The following DENND4C variants were observed in gnomAD, a reference collection of about 807,000 sequenced individuals.
DENND4C encodes the protein DENN domain containing 4C.
A neutral mutation model predicts 203.0 loss-of-function variants in DENND4C; 108 were observed. The ratio of observed to expected loss-of-function variants is 0.53; its 90% confidence interval spans 0.46 to 0.62. The LOEUF (loss-of-function observed/expected upper bound fraction) is 0.62, where lower values mean the gene tolerates loss of function less well. Ranked by LOEUF, DENND4C falls within the 20% of genes least tolerant of loss-of-function variation. The probability of loss-of-function intolerance (pLI) is 0.00; values close to 1 mark genes in which losing one functional copy is unlikely to be tolerated. For missense variants in DENND4C, 2,481 were observed against 2,301.2 expected (o/e 1.08, Z -1.60); for synonymous variants, 871 against 792.4 (o/e 1.10, Z -1.67).
chr9:19,327,757 G>C (rs1246682659), intron 15 of DENND4C, among the ~76,000 whole-genome samples: 2 of 151,864 alleles, frequency 1.3e-5, no homozygotes, highest in Non-Finnish European at 2.9e-5. Context: ...TCTTGAAAGA[G>C]TTATTTCTCC....
chr9:19,242,899 C>G (rs1026290567), intron 1 of DENND4C, among the ~76,000 whole-genome samples: 2 of 152,160 alleles, frequency 1.3e-5, no homozygotes, highest in African/African-American at 4.8e-5. Context: ...CATGATCCAC[C>G]TGCCTCAGCT....
At chr9:19,353,809 T>G (rs1824735920) in intron 26 of DENND4C, among the ~76,000 whole-genome samples, 1 of 151,746 alleles carries the variant, frequency 6.6e-6, no homozygotes, top group Admixed American at 6.6e-5. Flanking sequence ...CCATGGCACA[T>G]GCCTGTAGTC....
At chr9:19,241,666 C>T (rs1050164505) in intron 1 of DENND4C, among the ~76,000 whole-genome samples, 9 of 152,004 alleles carry the variant, frequency 5.9e-5, no homozygotes, top group South Asian at 2.1e-4. Flanking sequence ...GCAATACTCA[C>T]GTGGATCTGT....
intron 2 of DENND4C, among the ~76,000 whole-genome samples, chr9:19,280,445 G>C (rs113523277): frequency 6.6e-6 from 1 of 152,114 alleles, no homozygotes; most frequent in East Asian, 1.9e-4. Flanking sequence ...GTGCCCCGCC[G>C]GAAGGGGCTT....
At chr9:19,368,612 C>T (rs1221129006) in intron 30 of DENND4C, among the ~76,000 whole-genome samples, 1 of 152,094 alleles carries the variant, frequency 6.6e-6, no homozygotes, top group African/African-American at 2.4e-5. Flanking sequence ...GGCTGGGCAA[C>T]ATAGTGGGAG....
intron 1 of DENND4C, among the ~76,000 whole-genome samples, chr9:19,261,098 C>T (rs1048380641): frequency 1.6e-4 from 25 of 152,036 alleles, no homozygotes; most frequent in Admixed American, 1.6e-3. Flanking sequence ...GTTTTCCCAG[C>T]AATATTTGTT....
chr9:19,373,114 T>TTAGGTTG lies in DENND4C; in HGVS notation c.*942_*948dup, dbSNP rs1287985996. The TTAGGTTG allele has an allele frequency of 6.6e-6, 1 of 152,192 alleles. No homozygotes were observed. Among genetic ancestry groups the TTAGGTTG allele is most frequent in the African/African-American group, 2.4e-5 (1 of 41,452 alleles). 9.4% of individuals were successfully genotyped at this position (152,192 alleles called of 1,614,324 possible). On this transcript the variant is annotated 3_prime_UTR_variant, in exon 33 of 33. Transcript: ENST00000434457. Reference sequence around the variant, plus strand: ...AGCTGCCTTCCCTAACTTTAATGTATTAGGTTGGCACAAAATTAATTGTAG... The same window carrying TTAGGTTG: ...AGCTGCCTTCCCTAACTTTAATGTATTAGGTTGTAGGTTGGCACAAAATTAATTGTAG...
intron 23 of DENND4C, among the ~76,000 whole-genome samples, chr9:19,348,533 A>G (rs1015177043): frequency 2.0e-5 from 3 of 152,220 alleles, no homozygotes; most frequent in South Asian, 4.1e-4. Flanking sequence ...AGCATCATGT[A>G]CTTTCAAGGT....
Position 19,350,711 on chromosome 9 carries a change from A to ATTT in DENND4C, c.4327_4328insTTT (p.Asn1443delinsIleTyr). ...TTTTTTTCAATTAAAGGAAGAAACT[A>ATTT]ATAGAGACTACAGCTTCCCAGCTGG... On this transcript the variant is annotated protein_altering_variant, in exon 24 of 33. Coordinates refer to ENST00000434457, the MANE Select transcript of DENND4C (RefSeq NM_001330640.2). 6.2e-7 allele frequency: 1 copy of ATTT among 1,609,566 alleles called. No homozygotes were observed. The highest frequency in any genetic ancestry group is 8.5e-7 in the Non-Finnish European group (1 of 1,178,772).
chr9:19,240,628 T>C (rs1306487161), intron 1 of DENND4C, among the ~76,000 whole-genome samples: 1 of 150,622 alleles, frequency 6.6e-6, no homozygotes, highest in Non-Finnish European at 1.5e-5. Context: ...ATCATGCCAC[T>C]TCACTCCAGC....
At chr9:19,259,269 C>G (rs7865662) in intron 1 of DENND4C, among the ~76,000 whole-genome samples, 29,672 of 151,960 alleles carry the variant, frequency 0.2, 3,008 homozygotes, top group Admixed American at 0.22. Flanking sequence ...TTTGCAGCGT[C>G]TGATAGCTAT....
chr9:19,245,653 G>A (rs183956732), intron 1 of DENND4C, among the ~76,000 whole-genome samples: 2 of 152,034 alleles, frequency 1.3e-5, no homozygotes, highest in African/African-American at 2.4e-5. Flanking sequence ...TCAGGGGTTC[G>A]AGATTAGCCT....
At position 19,319,812 on chromosome 9, in the gene DENND4C, G is replaced by A. The variant is rs576590624; in HGVS notation, c.1807+2973G>A. Among the ~76,000 whole-genome samples the A allele has an allele frequency of 1.6e-3, 242 of 152,288 alleles. 1 individual carries two copies. Among genetic ancestry groups the A allele is most frequent in the African/African-American group, 5.5e-3 (227 of 41,558 alleles). ...GTTTCGAAGGAAAGTATTGGTTACA[G>A]TGAGAGTGCTAGTTAGGTCAGAGAA... On this transcript the variant is annotated intron_variant, in intron 12 of 32. Transcript: ENST00000434457.
At chr9:19,370,232 A>G (rs1376749502) in intron 31 of DENND4C, among the ~76,000 whole-genome samples, 1 of 152,114 alleles carries the variant, frequency 6.6e-6, no homozygotes, top group East Asian at 1.9e-4. Flanking sequence ...CCAAAGCAGG[A>G]GGATTGCTTG....
chr9:19,354,730 G>A (rs1262869865), intron 26 of DENND4C, among the ~76,000 whole-genome samples: 2 of 151,318 alleles, frequency 1.3e-5, no homozygotes, highest in African/African-American at 4.9e-5. Flanking sequence ...AATTTTTGTA[G>A]AGATGGGGTT....
At position 19,336,776 on chromosome 9, in the gene DENND4C, C is replaced by A; in HGVS notation, c.2825C>A (p.Thr942Lys). 6.4e-7 allele frequency: 1 copy of A among 1,550,838 alleles called. No homozygotes were observed. The highest frequency in any genetic ancestry group is 8.7e-7 in the Non-Finnish European group (1 of 1,147,022). The part of the protein sequence containing the change: ...SSNDANNGEH[T>K]VFVRDLIRLE... ...AATGATGCTAACAATGGGGAGCACA[C>A]AGTCTTCGTCAGAGATTTAATCAGG... The change falls in exon 20 of 33, where the codon ACA becomes AAA. Residue 942 changes from threonine to lysine, a missense_variant. Around this residue, in one of 3 missense-constraint regions of DENND4C, gnomAD observed 2,289 missense variants for 2,113.3 expected, o/e 1.08. Coordinates refer to ENST00000434457, the MANE Select transcript of DENND4C (RefSeq NM_001330640.2).
chr9:19,328,860 C>G (rs1399151090), intron 16 of DENND4C, among the ~76,000 whole-genome samples: 1 of 151,858 alleles, frequency 6.6e-6, no homozygotes, highest in African/African-American at 2.4e-5. Flanking sequence ...ACCAGCCTGA[C>G]CAACATGGAG....
chr9:19,273,379 C>T (rs2130867348), intron 1 of DENND4C, among the ~76,000 whole-genome samples: 1 of 152,110 alleles, frequency 6.6e-6, no homozygotes, highest in East Asian at 1.9e-4. Context: ...AGCCACCACG[C>T]TTGGCTGACA....
At chr9:19,289,828 C>CA (rs377068068) in intron 4 of DENND4C, among the ~76,000 whole-genome samples, 1,370 of 126,730 alleles carry the variant, frequency 0.011, 57 homozygotes, top group African/African-American at 0.032. Flanking sequence ...GATCCTGTCT[C>CA]AAAAAAAAAA....
Sources: gnomAD v4.1 joint callset for allele counts (sites outside exome capture counted in the v4.1 genomes callset) on GRCh38, gnomAD v4.1.1 for gene constraint, gnomAD v4.1.1 regional missense constraint, MANE v1.5 for transcripts, NCBI Gene and HGNC (gene_info 2026-07-23, HGNC 2026-07-21) for gene names.